The following PCDHGA3 variants were observed in gnomAD, a reference collection of about 807,000 sequenced individuals.
PCDHGA3 encodes protocadherin gamma subfamily A, 3.
Under a neutral mutation model 58.5 loss-of-function variants are expected in PCDHGA3, and 40 were observed. That is an observed-to-expected ratio of 0.68 (90% CI 0.53 to 0.89). PCDHGA3 has a LOEUF of 0.89. Ranked by LOEUF, PCDHGA3 falls within the 40% of genes least tolerant of loss-of-function variation. PCDHGA3 has a pLI of 0.00. For synonymous variants in PCDHGA3, 530 were observed against 525.7 expected, an observed-to-expected ratio of 1.01 and a Z score of -0.11; for missense variants, 1,223 against 1,195.9, an observed-to-expected ratio of 1.02 and a Z score of -0.33.
At chr5:141,350,594 A>G in intron 1 of PCDHGA3, 1 of 1,614,004 alleles carries the variant, frequency 6.2e-7, no homozygotes, top group Middle Eastern at 1.6e-4. Context: ...AAACCCAATG[A>G]ATGTTTTCCA....
intron 1 of PCDHGA3, chr5:141,430,857 A>T: frequency 6.3e-7 from 1 of 1,591,434 alleles, no homozygotes; most frequent in Non-Finnish European, 8.5e-7. Flanking sequence ...CAGATACGCT[A>T]TTCAGTTCCG....
At chr5:141,375,529 C>A (rs370346410) in intron 1 of PCDHGA3, 3 of 1,614,026 alleles carry the variant, frequency 1.9e-6, no homozygotes, top group African/African-American at 1.3e-5. Flanking sequence ...CTGACGTGGA[C>A]CAGAACGCCC....
At chr5:141,414,099 A>C in intron 1 of PCDHGA3, 3 of 1,593,504 alleles carry the variant, frequency 1.9e-6, no homozygotes, top group Non-Finnish European at 8.5e-7. Flanking sequence ...TAAAAATATC[A>C]GAAAATCTAG....
chr5:141,460,938 A>G (rs532872249), intron 1 of PCDHGA3, among the ~76,000 whole-genome samples: 38 of 149,918 alleles, frequency 2.5e-4, no homozygotes, highest in African/African-American at 9.1e-4. Context: ...GTGTGTGTAT[A>G]TATATGTATT....
In PCDHGA3 at chr5:141,432,647, C is replaced by T; in HGVS notation, c.2425-62160C>T. On this transcript the variant is annotated intron_variant, in intron 1 of 3. Coordinates refer to ENST00000253812, the MANE Select transcript of PCDHGA3 (RefSeq NM_018916.4). This position sits in a 1 kb window ranked among gnomAD's most constrained non-coding sequence, Gnocchi z 6.0. ...GCACACGGGCGAGGTGCGCACGGCG[C>T]GAGCCCTGCTGGACAGAGACGCGCT... 3 of 1,613,796 alleles carry T rather than the reference C, an allele frequency of 1.9e-6. No homozygotes were observed. Among genetic ancestry groups the T allele is most frequent in the Admixed American group, 1.7e-5 (1 of 60,008 alleles).
In PCDHGA3 at chr5:141,476,802, C is replaced by T; in HGVS notation, c.2425-18005C>T. 2 of 1,613,638 alleles carry T rather than the reference C, an allele frequency of 1.2e-6. No homozygotes were observed. The highest frequency in any genetic ancestry group is 1.7e-6 in the Non-Finnish European group (2 of 1,180,020). On this transcript the variant is annotated intron_variant, in intron 1 of 3. Coordinates refer to ENST00000253812, the MANE Select transcript of PCDHGA3 (RefSeq NM_018916.4). The surrounding 1 kb of genome is among the most constrained non-coding windows in gnomAD (Gnocchi z 7.6). ...ACCCCAGCTCTCTCCGCCAGCCTGC[C>T]TATTCACATCAAGGTGCTGGACGCG... is the stretch of plus-strand genomic sequence containing the variant.
chr5:141,356,135 CTG>C (rs753275749), intron 1 of PCDHGA3: 2 of 1,613,762 alleles, frequency 1.2e-6, no homozygotes, highest in Non-Finnish European at 1.7e-6. Flanking sequence ...TATGAGGACT[CTG>C]GATTCTATGA....
intron 1 of PCDHGA3, chr5:141,372,474 G>C: frequency 6.2e-7 from 1 of 1,614,052 alleles, no homozygotes; most frequent in Non-Finnish European, 8.5e-7. Context: ...TCACCTAGTA[G>C]TGGCGTTGGC....
intron 1 of PCDHGA3, among the ~76,000 whole-genome samples, chr5:141,458,869 A>G (rs2154566384): frequency 6.6e-6 from 1 of 152,264 alleles, no homozygotes; most frequent in East Asian, 1.9e-4. Context: ...AGTAGCTGGG[A>G]CTACAGGCAT....
chr5:141,379,845 AC>A (rs1334954085), intron 1 of PCDHGA3, among the ~76,000 whole-genome samples: 3 of 138,852 alleles, frequency 2.2e-5, no homozygotes. Context: ...AAAAAAAACT[AC>A]CAAATTATTG....
At position 141,372,429 on chromosome 5, in the gene PCDHGA3, C is replaced by T. The variant is rs754379317; in HGVS notation, c.2424+25972C>T. The T allele has an allele frequency of 2.5e-6, 4 of 1,614,042 alleles. No individual in the cohort carries two copies. In the Admixed American group the frequency reaches 6.7e-5, roughly 27 times the overall value. ...GATACAACCTGACCTTAGCGACCGC[C>T]CCACTCCCTCTGACCCTCAGGCGGA... On this transcript the variant is annotated intron_variant, in intron 1 of 3. Transcript: ENST00000253812.
chr5:141,357,520 A>G (rs1385888132), intron 1 of PCDHGA3: 2 of 1,614,216 alleles, frequency 1.2e-6, no homozygotes, highest in Non-Finnish European at 1.7e-6. Flanking sequence ...CTCCCAACCC[A>G]GCTATGCAGA....
chr5:141,460,224 T>C (rs986301555), intron 1 of PCDHGA3, among the ~76,000 whole-genome samples: 1 of 152,168 alleles, frequency 6.6e-6, no homozygotes, highest in African/African-American at 2.4e-5. Context: ...GTTGTGTCTT[T>C]TGAAGAGCAG....
chr5:141,366,335 C>T, intron 1 of PCDHGA3: 2 of 1,613,882 alleles, frequency 1.2e-6, no homozygotes, highest in Non-Finnish European at 1.7e-6. Context: ...CGACAGGATC[C>T]CTGACATCCT....
intron 2 of PCDHGA3, among the ~76,000 whole-genome samples, chr5:141,499,984 G>A (rs1350203006): frequency 6.6e-6 from 1 of 151,872 alleles, no homozygotes; most frequent in East Asian, 1.9e-4. Context: ...CACCTTGCCC[G>A]GCCAGATGAT....
intron 1 of PCDHGA3, chr5:141,351,349 C>T (rs1277588890): frequency 3.7e-6 from 6 of 1,613,326 alleles, no homozygotes; most frequent in Non-Finnish European, 5.1e-6. Context: ...CTGTAATAGC[C>T]CTCATAAAAG....
In PCDHGA3 at chr5:141,485,037, C is replaced by T. The variant is rs2099605532; in HGVS notation, c.2425-9770C>T. 1.0e-5 allele frequency: 7 copies of T among 702,746 alleles called. No individual in the cohort carries two copies. Among genetic ancestry groups the T allele is most frequent in the Non-Finnish European group, 1.5e-5 (6 of 402,836 alleles). 43.5% of individuals were successfully genotyped at this position (702,746 alleles called of 1,614,324 possible). A position where few individuals can be genotyped will look rare whatever the true frequency, so the allele number is the denominator to read the frequency against. ...GCCACCAGCAAAAACGGCGCGTAAC[C>T]CTTGCGGCGCCGGCCGAACCGCGCC... is the stretch of plus-strand genomic sequence containing the variant. On this transcript the variant is annotated intron_variant, in intron 1 of 3. Transcript: ENST00000253812. The surrounding 1 kb of genome is among the most constrained non-coding windows in gnomAD (Gnocchi z 5.7).
At chr5:141,457,864 C>T (rs962336979) in intron 1 of PCDHGA3, among the ~76,000 whole-genome samples, 5 of 152,166 alleles carry the variant, frequency 3.3e-5, no homozygotes, top group African/African-American at 4.8e-5. Flanking sequence ...CTTCACTGAC[C>T]ACAGGTTAGG....
rs768560315 is a variant in PCDHGA3, at chr5:141,357,355, TG to T, written c.2424+10900del. On this transcript the variant is annotated intron_variant, in intron 1 of 3. Coordinates refer to ENST00000253812, the MANE Select transcript of PCDHGA3 (RefSeq NM_018916.4). ...GCTGCTAGCACTCAAGCTGAGACGC[TG>T]GCACAAGTCACGCCTGCTTCACGCT... The T allele has an allele frequency of 8.7e-6, 14 of 1,614,154 alleles. No individual in the cohort carries two copies. In the South Asian group the frequency reaches 1.4e-4, roughly 16 times the overall value.
Sources: allele counts gnomAD v4.1 joint callset (sites outside exome capture counted in the v4.1 genomes callset), GRCh38; gene constraint gnomAD v4.1.1; non-coding constraint Gnocchi (gnomAD v3.1); transcripts MANE v1.5; gene names NCBI Gene and HGNC (gene_info 2026-07-23, HGNC 2026-07-21).